BOD1L1: variants seen among roughly 807,000 people sequenced by gnomAD.
BOD1L1 encodes the protein biorientation of chromosomes in cell division 1 like 1.
BOD1L1 carries 86 observed loss-of-function variants against 240.7 expected under a neutral mutation model. The observed-to-expected ratio is 0.36, with a 90% CI of 0.30 to 0.43. BOD1L1 has a LOEUF of 0.43. BOD1L1 is among the 20% of genes least tolerant of loss of function. The probability of loss-of-function intolerance (pLI) is 1.00; values close to 1 mark genes in which losing one functional copy is unlikely to be tolerated. For missense variants in BOD1L1, 3,554 were observed against 3,643.5 expected (o/e 0.98, Z 0.63); for synonymous variants, 1,268 against 1,272.3 (o/e 1.00, Z 0.07).
At chr4:13,590,513 G>A in intron 13 of BOD1L1, 67 bp from the exon 14 acceptor site, 1 of 773,572 alleles carries the variant, frequency 1.3e-6, no homozygotes, top group Non-Finnish European at 2.0e-6. Context: ...AAAGAAAGAA[G>A]AGAGAAGGTA....
At chr4:13,621,363 ACT>A in intron 1 of BOD1L1, among the ~76,000 whole-genome samples, 1 of 152,172 alleles carries the variant, frequency 6.6e-6, no homozygotes, top group South Asian at 2.1e-4. Context: ...CAAAGTTTAC[ACT>A]CCAGTGAGAA....
intron 19 of BOD1L1, 97 bp from the exon 20 acceptor site, chr4:13,581,304 C>T: frequency 1.2e-6 from 1 of 813,546 alleles, no homozygotes; most frequent in South Asian, 1.9e-5. Flanking sequence ...GAGTTCCTGT[C>T]TAAGAGACCT....
intron 18 of BOD1L1, 25 bp from the exon 19 acceptor site, chr4:13,582,335 C>T: frequency 6.3e-7 from 1 of 1,592,492 alleles, no homozygotes; most frequent in Non-Finnish European, 8.6e-7. Context: ...GAACTTTGTT[C>T]AATGCTAGTG....
Position 13,588,744 on chromosome 4 carries a change from C to T in BOD1L1, c.8258G>A (p.Ser2753Asn). The change falls in exon 15 of 26, where the codon AGT (serine) becomes AAT (asparagine). Residue 2753 changes from serine (S) to asparagine (N), a missense_variant. Ser to Asn is a conservative substitution (Grantham distance 46, BLOSUM62 1). Around this residue, in one of 2 missense-constraint regions of BOD1L1, gnomAD observed 3,393 missense variants for 3,427.1 expected, o/e 0.99. Transcript: ENST00000040738. ...KDNAEAISGH[S>N]VEADPKEVEE... is the part of the protein sequence containing the mutation. The stretch of plus-strand genomic sequence containing the variant: ...CACCTCTTTAGGATCTGCTTCAACA[C>T]TGTGACCGCTTATGGCTTCTGCGTT... 6.2e-7 allele frequency: 1 copy of T among 1,605,664 alleles called. No individual in the cohort carries two copies. The highest frequency in any genetic ancestry group is 8.5e-7 in the Non-Finnish European group (1 of 1,175,732).
At chr4:13,611,671 T>C (rs1716178708) in intron 5 of BOD1L1, among the ~76,000 whole-genome samples, 1 of 152,250 alleles carries the variant, frequency 6.6e-6, no homozygotes, top group Non-Finnish European at 1.5e-5. Flanking sequence ...TCTCTCAGCC[T>C]AACAGCCTCC....
chr4:13,620,852 G>T (rs932842556), intron 1 of BOD1L1, among the ~76,000 whole-genome samples: 1 of 152,170 alleles, frequency 6.6e-6, no homozygotes, highest in Admixed American at 6.5e-5. Flanking sequence ...ACAACTACTT[G>T]AACTAGGCAT....
rs1391057288 is a variant in BOD1L1 at position 13,586,406 on chromosome 4, T to C, written c.8423A>G (p.His2808Arg). The C allele has an allele frequency of 6.2e-7, 1 of 1,611,086 alleles. No homozygotes were observed. Among genetic ancestry groups the C allele is most frequent in the East Asian group, 2.2e-5 (1 of 44,844 alleles). The change falls in exon 17 of 26, where the codon CAT (histidine) becomes CGT (arginine). Residue 2808 changes from histidine to arginine, a missense_variant. His to Arg is a conservative substitution (Grantham distance 29). This residue lies in a region of BOD1L1 where 3,393 missense variants were observed against 3,427.1 expected (regional missense o/e 0.99). Transcript: ENST00000040738. ...AQRQCPETEP[H>R]DTKEENSRDL... ...ATGTGGAAAAAATACCTTTGTGTCATGTGGCTCCGTTTCAGGACACTGCCT... is the reference window on the plus strand; with the variant it reads ...ATGTGGAAAAAATACCTTTGTGTCACGTGGCTCCGTTTCAGGACACTGCCT...
At chr4:13,615,729 A>G (rs570020341) in intron 2 of BOD1L1, among the ~76,000 whole-genome samples, 23 of 152,282 alleles carry the variant, frequency 1.5e-4, no homozygotes, top group African/African-American at 5.1e-4. Flanking sequence ...CCACTGTGTC[A>G]CTAGTGGAAA....
Position 13,599,875 on chromosome 4 carries a change from G to A in BOD1L1, c.7025C>T (p.Ala2342Val), listed in dbSNP as rs1714959746. 2 of 1,613,976 alleles carry A rather than the reference G, an allele frequency of 1.2e-6. No individual in the cohort carries two copies. The highest frequency in any genetic ancestry group is 1.7e-6 in the Non-Finnish European group (2 of 1,179,882). The part of the protein sequence containing the change: ...TSTAECMPIS[A>V]SIDRHEENQL... ...ATTCTCTTCATGTCTGTCAATGCTGGCGGAAATTGGCATACATTCTGCTGT... is the reference window on the plus strand; with the variant it reads ...ATTCTCTTCATGTCTGTCAATGCTGACGGAAATTGGCATACATTCTGCTGT... Residue 2342 changes from alanine (A) to valine (V), a missense_variant, in exon 10 of 26, where the codon GCC becomes GTC. By Grantham distance (64) the Ala-to-Val change is moderately conservative. Coordinates refer to ENST00000040738, the MANE Select transcript of BOD1L1 (RefSeq NM_148894.3).
At chr4:13,577,262 C>T (rs972892572) in intron 24 of BOD1L1, 141 bp downstream of exon 24, 20 of 780,554 alleles carry the variant, frequency 2.6e-5, no homozygotes, top group African/African-American at 1.8e-4. Context: ...ATTTCTGACA[C>T]GGGATTAGAC....
intron 25 of BOD1L1, among the ~76,000 whole-genome samples, chr4:13,570,346 A>C (rs533595861): frequency 7.1e-4 from 108 of 152,362 alleles, no homozygotes; most frequent in Non-Finnish European, 1.3e-3. Context: ...CTGGAAGAGA[A>C]GTTTGAAGCC....
chr4:13,604,093 G>A lies in BOD1L1; in HGVS notation c.2807C>T (p.Ala936Val). ...TELQEGATKQ[A>V]TTPKPDKEKN... ...CTCCTTGTCTGGTTTTGGAGTGGTT[G>A]CCTGTTTTGTGGCACCTTCTTGTAA... is the stretch of plus-strand genomic sequence containing the variant. The change falls in exon 10 of 26, where the codon GCA (alanine) becomes GTA (valine). Residue 936 changes from alanine to valine, a missense_variant. Around this residue, in one of 2 missense-constraint regions of BOD1L1, gnomAD observed 3,393 missense variants for 3,427.1 expected, o/e 0.99. Transcript: ENST00000040738. 6.2e-7 allele frequency: 1 copy of A among 1,613,686 alleles called. No homozygotes were observed. Among genetic ancestry groups the A allele is most frequent in the Admixed American group, 1.7e-5 (1 of 60,024 alleles).
At chr4:13,582,605 C>A (rs1305927659) in intron 18 of BOD1L1, 47 bp downstream of exon 18, 3 of 1,407,814 alleles carry the variant, frequency 2.1e-6, no homozygotes, top group Non-Finnish European at 1.0e-6. Context: ...GACACGCTGG[C>A]TGCTTTGAAG....
Position 13,606,509 on chromosome 4 carries a change from C to G in BOD1L1, c.1815+608G>C, listed in dbSNP as rs566498414. Among the ~76,000 whole-genome samples, 5 of 151,970 alleles carry G rather than the reference C, an allele frequency of 3.3e-5. No individual in the cohort carries two copies. The South Asian group carries it at 6.2e-4, about 19-fold the overall frequency. On this transcript the variant is annotated intron_variant, in intron 9 of 25. Coordinates refer to ENST00000040738, the MANE Select transcript of BOD1L1 (RefSeq NM_148894.3). ...ACAGTGAAAGCAAAAGTTTGTCCCACGAAAATAATCCTGAAAGGGGGAAGA... is the reference window on the plus strand; with the variant it reads ...ACAGTGAAAGCAAAAGTTTGTCCCAGGAAAATAATCCTGAAAGGGGGAAGA...
chr4:13,620,082 A>G lies in BOD1L1; in HGVS notation c.244-15T>C. 9 of 1,589,326 alleles carry G rather than the reference A, an allele frequency of 5.7e-6. No individual in the cohort carries two copies. The highest frequency in any genetic ancestry group is 7.7e-6 in the Non-Finnish European group (9 of 1,166,572). On this transcript the variant is annotated splice_polypyrimidine_tract_variant and intron_variant, in intron 1 of 25. Transcript: ENST00000040738. ...TGATACGCAGGCTAGAGAGAAAAAA[A>G]CGAAGGTAAGTCTTCAAGGTTATAC...
rs1180167310 is a variant in BOD1L1, at chr4:13,613,995, TTC to T, written c.1174+199_1174+200del. On this transcript the variant is annotated intron_variant, in intron 4 of 25. Transcript: ENST00000040738. The surrounding 1 kb of genome is among the most constrained non-coding windows in gnomAD (Gnocchi z 4.0). ...ATAAGACAAATTATAAATTAATAAC[TTC>T]TGTTAATTTACTCTGTGAACAGATA... Among the ~76,000 whole-genome samples, 1 of 152,204 alleles carries T rather than the reference TTC, an allele frequency of 6.6e-6. No homozygotes were observed. The highest frequency in any genetic ancestry group is 1.5e-5 in the Non-Finnish European group (1 of 68,038).
Position 13,590,398 on chromosome 4 carries a change from A to T in BOD1L1, c.8197T>A (p.Tyr2733Asn), listed in dbSNP as rs1213654528. ...TTCATTAACTTACCTCCTTTGTTAT[A>T]AGATTCGCTATGAATTTCTTCATTT... ...RTNEEIHSES[Y>N]NKGEISSGRK... Residue 2733 changes from tyrosine (Y) to asparagine (N), a missense_variant, in exon 14 of 26, where the codon TAT (tyrosine) becomes AAT (asparagine). Tyr to Asn is a moderately radical substitution (Grantham distance 143, BLOSUM62 -2). Around this residue, in one of 2 missense-constraint regions of BOD1L1, gnomAD observed 3,393 missense variants for 3,427.1 expected, o/e 0.99. Transcript: ENST00000040738. 5 of 1,503,026 alleles carry T rather than the reference A, an allele frequency of 3.3e-6. No homozygotes were observed. The highest frequency in any genetic ancestry group is 4.6e-6 in the Non-Finnish European group (5 of 1,096,352). The allele number at this position is 1,503,026 out of a possible 1,614,324, so 93.1% of individuals were successfully genotyped here.
At chr4:13,575,389 T>C (rs2108879806) in intron 25 of BOD1L1, among the ~76,000 whole-genome samples, 1 of 152,202 alleles carries the variant, frequency 6.6e-6, no homozygotes, top group Non-Finnish European at 1.5e-5. Flanking sequence ...TAAAAAAATA[T>C]ATATTTTTTC....
In BOD1L1 at chr4:13,597,284, T is replaced by C. The variant is rs1714704680; in HGVS notation, c.7955-116A>G. The C allele has an allele frequency of 2.1e-5, 15 of 712,008 alleles. 1 individual carries two copies. The South Asian group carries it at 2.5e-4, about 12-fold the overall frequency. 44.1% of individuals were successfully genotyped at this position (712,008 alleles called of 1,614,324 possible). On this transcript the variant is annotated intron_variant, in intron 10 of 25. Transcript: ENST00000040738. ...ATGCTGTTGCACCTTCCTTTTCTGG[T>C]TTATTTTGCTGTCAGTAGAAAATGA...
Sources: gnomAD v4.1 joint callset for allele counts (sites outside exome capture counted in the v4.1 genomes callset) on GRCh38, gnomAD v4.1.1 for gene constraint, gnomAD v4.1.1 regional missense constraint, Gnocchi (gnomAD v3.1) non-coding constraint, MANE v1.5 for transcripts, NCBI Gene and HGNC (gene_info 2026-07-23, HGNC 2026-07-21) for gene names.